Variants in NTM observed in about 807,000 individuals in gnomAD.
NTM encodes IgLON family member 2.
A neutral mutation model predicts 42.1 loss-of-function variants in NTM; 13 were observed. The ratio of observed to expected loss-of-function variants is 0.31; its 90% CI spans 0.20 to 0.49. NTM has a LOEUF of 0.49. Among genes scored for constraint, NTM ranks in the 20% least tolerant of loss-of-function variants. NTM has a pLI of 0.99. For synonymous variants in NTM, 187 were observed against 179.2 expected, an observed-to-expected ratio of 1.04 and a Z score of -0.35; for missense variants, 373 against 452.8, an observed-to-expected ratio of 0.82 and a Z score of 1.60.
chr11:132,196,673 G>A (rs1357692951), intron 3 of NTM, among the ~76,000 whole-genome samples: 1 of 152,084 alleles, frequency 6.6e-6, no homozygotes, highest in African/African-American at 2.4e-5. Context: ...ATTATCCTAA[G>A]TGAACACCAA....
At chr11:132,271,496 A>G (rs1157699747) in intron 4 of NTM, among the ~76,000 whole-genome samples, 1 of 152,186 alleles carries the variant, frequency 6.6e-6, no homozygotes. Context: ...TTGCTGTACC[A>G]TTGTACATTC....
intron 2 of NTM, among the ~76,000 whole-genome samples, chr11:132,085,358 CCTT>C (rs2059573627): frequency 1.3e-5 from 2 of 152,134 alleles, no homozygotes; most frequent in South Asian, 2.1e-4. Context: ...AAGTTTTACT[CCTT>C]CTTGCATGGT....
At chr11:131,919,934 C>A (rs1341525532) in intron 2 of NTM, among the ~76,000 whole-genome samples, 3 of 152,084 alleles carry the variant, frequency 2.0e-5, no homozygotes, top group African/African-American at 7.2e-5. Flanking sequence ...GGTGCCTCTC[C>A]TACACATCTG....
At chr11:132,255,135 T>C (rs956102931) in intron 4 of NTM, among the ~76,000 whole-genome samples, 2 of 152,226 alleles carry the variant, frequency 1.3e-5, no homozygotes, top group African/African-American at 2.4e-5. Context: ...ATGCTGTCAG[T>C]GGAGACACAA....
In NTM at chr11:132,053,589, G is replaced by A. The variant is rs370998779; in HGVS notation, c.168-92693G>A. On this transcript the variant is annotated intron_variant, in intron 2 of 8. Transcript: ENST00000683400. Reference sequence around the variant, plus strand: ...GAATGTAGAGGGATTAATGAGGACAGGAGGCAGACCTTATCAGGGTGAAAT... The same window carrying A: ...GAATGTAGAGGGATTAATGAGGACAAGAGGCAGACCTTATCAGGGTGAAAT... 6.8e-4 allele frequency among the ~76,000 whole-genome samples: 103 copies of A among 152,312 alleles called. 4 individuals carry two copies. The South Asian group carries it at 0.021, about 31-fold the overall frequency.
At chr11:131,377,212 C>T (rs765917558) in intron 1 of NTM, among the ~76,000 whole-genome samples, 20 of 152,154 alleles carry the variant, frequency 1.3e-4, no homozygotes, top group Admixed American at 5.2e-4. Flanking sequence ...GCTGCCTTTG[C>T]TACTCCACAC....
intron 2 of NTM, among the ~76,000 whole-genome samples, chr11:131,995,839 G>C (rs2067906327): frequency 6.6e-6 from 1 of 152,060 alleles, no homozygotes; most frequent in Non-Finnish European, 1.5e-5. Flanking sequence ...AGTGGAAAAT[G>C]AATGTAGCTA....
chr11:132,166,250 C>T (rs1410785439), intron 3 of NTM, among the ~76,000 whole-genome samples: 3 of 152,154 alleles, frequency 2.0e-5, no homozygotes, highest in Non-Finnish European at 1.5e-5. Context: ...GTGTCATTTA[C>T]TAGACCTATA....
chr11:131,874,151 C>T (rs2048263175), intron 1 of NTM, among the ~76,000 whole-genome samples: 1 of 146,808 alleles, frequency 6.8e-6, no homozygotes, highest in Non-Finnish European at 1.5e-5. Context: ...TTGGTCTCAC[C>T]TGGGCTCCCA....
chr11:131,895,115 G>A (rs1035518951), intron 1 of NTM, among the ~76,000 whole-genome samples: 1 of 152,174 alleles, frequency 6.6e-6, no homozygotes, highest in Non-Finnish European at 1.5e-5. Flanking sequence ...AGCTCTATTC[G>A]GTGATTAGGT....
At chr11:131,789,636 A>AGGAGAAGGAGAAGGAGAAG (rs1555127949) in intron 1 of NTM, among the ~76,000 whole-genome samples, 2 of 30,902 alleles carry the variant, frequency 6.5e-5, no homozygotes, top group African/African-American at 1.2e-4. Context: ...AAGAAGAAGA[A>AGGAGAAGGAGAAGGAGAAG]AAGAAGAAGA....
chr11:131,925,878 A>G (rs2057882726), intron 2 of NTM, among the ~76,000 whole-genome samples: 1 of 152,170 alleles, frequency 6.6e-6, no homozygotes, highest in Non-Finnish European at 1.5e-5. Context: ...TTTGTAATTC[A>G]GGGGTCAGGG....
intron 1 of NTM, among the ~76,000 whole-genome samples, chr11:131,530,425 CAAAAA>C (rs60376694): frequency 2.4e-5 from 2 of 84,968 alleles, no homozygotes; most frequent in Non-Finnish European, 2.8e-5. Flanking sequence ...GTGCCTTTCT[CAAAAA>C]AAAAAAAAAA....
chr11:131,446,004 A>G (rs1480033580), intron 1 of NTM, among the ~76,000 whole-genome samples: 1 of 152,204 alleles, frequency 6.6e-6, no homozygotes, highest in African/African-American at 2.4e-5. Flanking sequence ...TATAGAAATC[A>G]ATTGCCCACC....
intron 1 of NTM, among the ~76,000 whole-genome samples, chr11:131,868,420 G>A (rs767200271): frequency 1.3e-5 from 2 of 152,044 alleles, no homozygotes; most frequent in African/African-American, 2.4e-5. Flanking sequence ...TCCGCACTCC[G>A]GCCCTCTCCA....
rs866404432 is a variant in NTM, at chr11:131,789,423, G to T, written c.83-122141G>T. On this transcript the variant is annotated intron_variant, in intron 1 of 8. Transcript: ENST00000683400. ...TATTGCTGCAGTTAAAAGAAAAAAA[G>T]AAGAAGGAAGAAGAAGAAGAAGAAG... 8.3e-5 allele frequency among the ~76,000 whole-genome samples: 2 copies of T among 24,008 alleles called. 1 individual carries two copies. The highest frequency in any genetic ancestry group is 9.5e-4 in the Admixed American group (2 of 2,108). The allele number at this position is 24,008 out of a possible 152,430, so 15.8% of individuals were successfully genotyped here.
intron 1 of NTM, among the ~76,000 whole-genome samples, chr11:131,619,423 C>A (rs1214096324): frequency 4.6e-5 from 7 of 152,102 alleles, no homozygotes; most frequent in Non-Finnish European, 2.9e-5. Flanking sequence ...GGACACACAC[C>A]AAAGGCTGTG....
chr11:132,127,080 C>G (rs2065962923), intron 2 of NTM, among the ~76,000 whole-genome samples: 1 of 152,074 alleles, frequency 6.6e-6, no homozygotes, highest in Non-Finnish European at 1.5e-5. Context: ...GTGCGTTCTC[C>G]CAAAACTCCT....
At chr11:131,653,245 G>A (rs750608946) in intron 1 of NTM, among the ~76,000 whole-genome samples, 32 of 144,344 alleles carry the variant, frequency 2.2e-4, no homozygotes, top group Non-Finnish European at 4.2e-4. Context: ...TTCTTCCTTT[G>A]TTCTTTCAGT....
Sources: allele counts gnomAD v4.1 joint callset (sites outside exome capture counted in the v4.1 genomes callset), GRCh38; gene constraint gnomAD v4.1.1; transcripts MANE v1.5; gene names NCBI Gene and HGNC (gene_info 2026-07-23, HGNC 2026-07-21).